The following CDC16 variants were observed in gnomAD, a reference collection of about 807,000 sequenced individuals.
The protein encoded by CDC16 is cell division cycle 16, also known as cell division cycle protein 16 homolog.
In CDC16, 34 loss-of-function variants were observed where a neutral mutation model predicts 87.0. The observed-to-expected ratio is 0.39, with a 90% CI of 0.30 to 0.52. CDC16 has a LOEUF of 0.52. Among genes scored for constraint, CDC16 ranks in the 20% least tolerant of loss-of-function variants. CDC16 has a pLI of 0.74. For missense variants in CDC16, 653 were observed against 751.9 expected, an observed-to-expected ratio of 0.87 and a Z score of 1.54; for synonymous variants, 263 against 260.6, an observed-to-expected ratio of 1.01 and a Z score of -0.09.
rs200124894 is a variant in CDC16 at position 114,244,984 on chromosome 13, T to A, written c.847+15T>A. ...TAAAGCCAATGGTAAGACTTTTTTT[T>A]AAATTAAAGTAATTCTTAGACATAA... On this transcript the variant is annotated intron_variant, in intron 9 of 17. Coordinates refer to ENST00000356221, the MANE Select transcript of CDC16 (RefSeq NM_001078645.3). 2.7e-5 allele frequency: 38 copies of A among 1,402,954 alleles called. No homozygotes were observed. Among genetic ancestry groups the A allele is most frequent in the East Asian group, 9.3e-5 (4 of 42,880 alleles). The allele number at this position is 1,402,954 out of a possible 1,614,324, so 86.9% of individuals were successfully genotyped here. A position where few individuals can be genotyped will look rare whatever the true frequency, so the allele number is the denominator to read the frequency against.
intron 12 of CDC16, among the ~76,000 whole-genome samples, chr13:114,250,981 A>G (rs1372314625): frequency 6.6e-6 from 1 of 152,242 alleles, no homozygotes; most frequent in African/African-American, 2.4e-5. Flanking sequence ...ATTCACGAGC[A>G]AAATTATTAT....
intron 5 of CDC16, among the ~76,000 whole-genome samples, 183 bp from the exon 6 acceptor site, chr13:114,241,938 T>C (rs1304882279): frequency 6.6e-6 from 1 of 152,090 alleles, no homozygotes; most frequent in African/African-American, 2.4e-5. Context: ...TAATCCTAGC[T>C]ACTCAGGAGG....
rs182110986 is a variant in CDC16, at chr13:114,255,806, C to A, written c.1098-1272C>A. Among the ~76,000 whole-genome samples the A allele has an allele frequency of 1.3e-3, 198 of 152,240 alleles. 1 individual carries two copies. The highest frequency in any genetic ancestry group is 4.6e-3 in the African/African-American group (193 of 41,530). On this transcript the variant is annotated intron_variant, in intron 12 of 17. Coordinates refer to ENST00000356221, the MANE Select transcript of CDC16 (RefSeq NM_001078645.3). ...TACAAGCCCATACCACCACGCTTGG[C>A]TAATTTTTTATTACTTTTTAGAGAT...
At chr13:114,270,479 A>G (rs528484862) in intron 17 of CDC16, among the ~76,000 whole-genome samples, 3 of 152,326 alleles carry the variant, frequency 2.0e-5, no homozygotes, top group South Asian at 2.1e-4. Context: ...AACCATGTCA[A>G]TTAGTAATGA....
intron 12 of CDC16, among the ~76,000 whole-genome samples, chr13:114,255,512 G>T (rs996640369): frequency 6.6e-6 from 1 of 151,936 alleles, no homozygotes; most frequent in African/African-American, 2.4e-5. Flanking sequence ...AACTTTTTGA[G>T]CACTGTCATG....
chr13:114,259,460 A>G, intron 14 of CDC16, 62 bp downstream of exon 14: 4 of 900,510 alleles, frequency 4.4e-6, no homozygotes, highest in Non-Finnish European at 6.5e-6. Flanking sequence ...CTGTTAAATG[A>G]GGAAAACAAC....
In CDC16 at chr13:114,234,992, C is replaced by CGGCCGA; in HGVS notation, c.-93_-92insGGCCGA. 1 of 1,061,552 alleles carries CGGCCGA rather than the reference C, an allele frequency of 9.4e-7. No individual in the cohort carries two copies. Among genetic ancestry groups the CGGCCGA allele is most frequent in the Non-Finnish European group, 1.2e-6 (1 of 833,880 alleles). The allele number at this position is 1,061,552 out of a possible 1,614,324, so 65.8% of individuals were successfully genotyped here. ...AGTCCTGGGGCGGCGGCGGCGGCTG[C>CGGCCGA]AGGCACGGGCACGGGCACGGGGCGG... On this transcript the variant is annotated 5_prime_UTR_variant, in exon 1 of 18. Coordinates refer to ENST00000356221, the MANE Select transcript of CDC16 (RefSeq NM_001078645.3).
At position 114,239,525 on chromosome 13, in the gene CDC16, G is replaced by GGCGAGAATTGCCCTCATTGGCA. The variant is rs778625421; in HGVS notation, c.381+53_381+54insGGCAGCGAGAATTGCCCTCATT. The GGCGAGAATTGCCCTCATTGGCA allele has an allele frequency of 1.5e-5, 22 of 1,489,008 alleles. No homozygotes were observed. The African/African-American group carries it at 2.9e-4, about 20-fold the overall frequency. 92.2% of individuals were successfully genotyped at this position (1,489,008 alleles called of 1,614,324 possible). ...ACTGTGAGCACAGCTCAGTAACGGC[G>GGCGAGAATTGCCCTCATTGGCA]GCGAGAATTGCCCTCATTACGTGGC... On this transcript the variant is annotated intron_variant, in intron 5 of 17. Transcript: ENST00000356221.
intron 17 of CDC16, among the ~76,000 whole-genome samples, chr13:114,267,615 T>A (rs571009893): frequency 1.3e-5 from 2 of 152,358 alleles, no homozygotes; most frequent in South Asian, 4.1e-4. Flanking sequence ...CCATATACAT[T>A]TCTGTGGGCT....
chr13:114,251,822 A>G (rs1303939262), intron 12 of CDC16, among the ~76,000 whole-genome samples: 1 of 152,254 alleles, frequency 6.6e-6, no homozygotes, highest in African/African-American at 2.4e-5. Flanking sequence ...GTGTCCTCAC[A>G]TGGCAGAGAG....
At chr13:114,263,131 T>C (rs1266404191) in intron 16 of CDC16, 117 bp downstream of exon 16, 2 of 841,902 alleles carry the variant, frequency 2.4e-6, no homozygotes, top group Non-Finnish European at 3.8e-6. Flanking sequence ...TAGGCAACCT[T>C]ACGTGTTATT....
chr13:114,244,637 T>TG (rs1406675245), intron 8 of CDC16: 1 of 305,030 alleles, frequency 3.3e-6, no homozygotes, highest in African/African-American at 2.2e-5. Context: ...ATTACAATTC[T>TG]GTTGACTTAA....
chr13:114,243,698 T>C (rs535845966), intron 7 of CDC16, among the ~76,000 whole-genome samples, 158 bp from the exon 8 acceptor site: 1 of 152,368 alleles, frequency 6.6e-6, no homozygotes, highest in South Asian at 2.1e-4. Flanking sequence ...TTAAACTTAC[T>C]GAGAGGAGTA....
intron 14 of CDC16, 107 bp downstream of exon 14, chr13:114,259,505 A>C: frequency 1.7e-6 from 1 of 588,648 alleles, no homozygotes; most frequent in Non-Finnish European, 2.8e-6. Flanking sequence ...TAGTAACCTG[A>C]TATTTTCATA....
chr13:114,262,102 T>C (rs919656648), intron 15 of CDC16, among the ~76,000 whole-genome samples, 154 bp downstream of exon 15: 1 of 152,240 alleles, frequency 6.6e-6, no homozygotes, highest in Non-Finnish European at 1.5e-5. Flanking sequence ...TTTTATTATT[T>C]ATCTGTGTTG....
At chr13:114,245,882 A>C in intron 9 of CDC16, 118 bp from the exon 10 acceptor site, 1 of 642,294 alleles carries the variant, frequency 1.6e-6, no homozygotes, top group South Asian at 1.8e-5. Context: ...AGGAAAGACA[A>C]GTATGAAATC....
At chr13:114,250,030 G>T (rs553289832) in intron 11 of CDC16, among the ~76,000 whole-genome samples, 13 of 152,236 alleles carry the variant, frequency 8.5e-5, no homozygotes, top group Admixed American at 5.9e-4. Context: ...AACAATTCAA[G>T]AATAAATACT....
intron 12 of CDC16, among the ~76,000 whole-genome samples, chr13:114,255,522 G>C (rs2082441266): frequency 6.6e-6 from 1 of 151,850 alleles, no homozygotes; most frequent in Admixed American, 6.6e-5. Flanking sequence ...GCACTGTCAT[G>C]ACACTCAAAA....
At chr13:114,242,448 G>T in intron 6 of CDC16, 168 bp downstream of exon 6, 1 of 631,952 alleles carries the variant, frequency 1.6e-6, no homozygotes, top group Non-Finnish European at 2.7e-6. Flanking sequence ...ATGCAGTATT[G>T]TACGGTGCCT....
Sources: gnomAD v4.1 joint callset for allele counts (sites outside exome capture counted in the v4.1 genomes callset) on GRCh38, gnomAD v4.1.1 for gene constraint, MANE v1.5 for transcripts, NCBI Gene and HGNC (gene_info 2026-07-23, HGNC 2026-07-21) for gene names.